STAG1: variants seen among roughly 807,000 people sequenced by gnomAD.
The protein encoded by STAG1 is cohesin subunit SA-1.
A neutral mutation model predicts 170.9 loss-of-function variants in STAG1; 26 were observed. The observed-to-expected ratio is 0.15, with a 90% CI of 0.11 to 0.21. The LOEUF is 0.21. Ranked by LOEUF, STAG1 falls within the 10% of genes least tolerant of loss-of-function variation. STAG1 has a pLI of 1.00. For missense variants in STAG1, 964 were observed against 1,509.5 expected (o/e 0.64, Z 5.99); for synonymous variants, 514 against 497.7 (o/e 1.03, Z -0.44).
intron 1 of STAG1, among the ~76,000 whole-genome samples, chr3:136,655,761 TAA>T (rs796281356): frequency 7.0e-6 from 1 of 143,124 alleles, no homozygotes; most frequent in Non-Finnish European, 1.5e-5. Context: ...AAGACTCCAT[TAA>T]AAAAAAAAAA....
rs1001929518 is a variant in STAG1, at chr3:136,366,878, T to A, written c.2685+65A>T. 4 of 1,374,404 alleles carry A rather than the reference T, an allele frequency of 2.9e-6. No homozygotes were observed. The African/African-American group carries it at 4.3e-5, about 15-fold the overall frequency. 85.1% of individuals were successfully genotyped at this position (1,374,404 alleles called of 1,614,324 possible). A position where few individuals can be genotyped will look rare whatever the true frequency, so the allele number is the denominator to read the frequency against. On this transcript the variant is annotated intron_variant, in intron 25 of 33. Coordinates refer to ENST00000383202, the MANE Select transcript of STAG1 (RefSeq NM_005862.3). ...CTGTCAATTTTAGCTTCTGTCATCA[T>A]CCTTTCAATTGCTAATTTCTCTGCC...
At chr3:136,474,539 T>C (rs1290531832) in intron 10 of STAG1, among the ~76,000 whole-genome samples, 1 of 152,182 alleles carries the variant, frequency 6.6e-6, no homozygotes, top group Non-Finnish European at 1.5e-5. Context: ...CAGATTTATT[T>C]AATGTAAATA....
chr3:136,447,145 A>G (rs1034122353), intron 14 of STAG1, among the ~76,000 whole-genome samples: 1 of 151,670 alleles, frequency 6.6e-6, no homozygotes, highest in Non-Finnish European at 1.5e-5. Context: ...GAAGCTGTCA[A>G]TTTTCCTGTC....
In STAG1 at chr3:136,341,436, C is replaced by T; in HGVS notation, c.3557+5G>A. 1.3e-6 allele frequency: 2 copies of T among 1,583,572 alleles called. No individual in the cohort carries two copies. The highest frequency in any genetic ancestry group is 1.7e-6 in the Non-Finnish European group (2 of 1,153,004). On this transcript the variant is annotated splice_donor_5th_base_variant and intron_variant, in intron 31 of 33. Coordinates refer to ENST00000383202, the MANE Select transcript of STAG1 (RefSeq NM_005862.3). ...TGTTCTTGTGATACTCCATGTAACA[C>T]TTACACAGCATGCCTCACTCCAGTT... is the stretch of plus-strand genomic sequence containing the variant.
chr3:136,726,227 A>G (rs1011025695), intron 1 of STAG1, among the ~76,000 whole-genome samples: 4 of 152,192 alleles, frequency 2.6e-5, no homozygotes, highest in Non-Finnish European at 5.9e-5. Flanking sequence ...ATCTCTATCC[A>G]CTGATGCCAG....
intron 5 of STAG1, among the ~76,000 whole-genome samples, chr3:136,566,136 G>A (rs1214260499): frequency 6.6e-6 from 1 of 152,176 alleles, no homozygotes; most frequent in African/African-American, 2.4e-5. Flanking sequence ...GAATGTTTGT[G>A]TCCTCCCAAA....
chr3:136,665,473 A>G lies in STAG1; in HGVS notation c.-83-34492T>C, dbSNP rs1357023767. Among the ~76,000 whole-genome samples, 7 of 152,280 alleles carry G rather than the reference A, an allele frequency of 4.6e-5. No individual in the cohort carries two copies. The South Asian group carries it at 1.5e-3, about 32-fold the overall frequency. On this transcript the variant is annotated intron_variant, in intron 1 of 33. Transcript: ENST00000383202. ...TTATCCAGGTAGGTATGATATAATCAAACAGGCCTTTAGAAGTGAAAGAAG... is the reference window on the plus strand; with the variant it reads ...TTATCCAGGTAGGTATGATATAATCGAACAGGCCTTTAGAAGTGAAAGAAG...
At chr3:136,633,041 A>G (rs1940393877) in intron 1 of STAG1, among the ~76,000 whole-genome samples, 1 of 152,192 alleles carries the variant, frequency 6.6e-6, no homozygotes, top group African/African-American at 2.4e-5. Context: ...CTAAATAAAC[A>G]GATGACTATA....
At chr3:136,584,921 G>A (rs1244903849) in intron 4 of STAG1, among the ~76,000 whole-genome samples, 1 of 152,148 alleles carries the variant, frequency 6.6e-6, no homozygotes, top group African/African-American at 2.4e-5. Context: ...AGTAACTCAG[G>A]ACACTCAATG....
At chr3:136,688,085 G>C (rs1007090338) in intron 1 of STAG1, among the ~76,000 whole-genome samples, 1 of 152,130 alleles carries the variant, frequency 6.6e-6, no homozygotes, top group Admixed American at 6.5e-5. Context: ...TGGGATGACA[G>C]TATACTACAG....
At chr3:136,519,705 A>T (rs1934575236) in intron 7 of STAG1, among the ~76,000 whole-genome samples, 1 of 152,078 alleles carries the variant, frequency 6.6e-6, no homozygotes, top group Non-Finnish European at 1.5e-5. Context: ...TAGAAAAAAA[A>T]AGTCTAACAT....
chr3:136,750,994 GTCAT>G (rs1559989961), intron 1 of STAG1, among the ~76,000 whole-genome samples: 1 of 152,212 alleles, frequency 6.6e-6, no homozygotes, highest in Admixed American at 6.5e-5. Flanking sequence ...AAAATGTAGA[GTCAT>G]TCAAATTCCA....
At chr3:136,711,026 T>C (rs539302409) in intron 1 of STAG1, among the ~76,000 whole-genome samples, 57 of 151,660 alleles carry the variant, frequency 3.8e-4, no homozygotes, top group Non-Finnish European at 6.2e-4. Flanking sequence ...GGTTAAAGTA[T>C]GACAATTTCT....
intron 1 of STAG1, among the ~76,000 whole-genome samples, chr3:136,723,958 C>T (rs1434004926): frequency 1.2e-4 from 18 of 150,620 alleles, no homozygotes; most frequent in Admixed American, 7.2e-4. Flanking sequence ...CCAGGCCAGC[C>T]GCCCCGACCA....
At position 136,716,600 on chromosome 3, in the gene STAG1, G is replaced by GGC. The variant is rs1943547805; in HGVS notation, c.-84+35593_-84+35594dup. Among the ~76,000 whole-genome samples, 4 of 152,364 alleles carry GGC rather than the reference G, an allele frequency of 2.6e-5. No individual in the cohort carries two copies. The South Asian group carries it at 8.3e-4, about 32-fold the overall frequency. On this transcript the variant is annotated intron_variant, in intron 1 of 33. Transcript: ENST00000383202. ...GGCTGAAGGTGCAGTGAGCCATGAT[G>GGC]GCACCAATGCACTTCAGCCGGGACA...
chr3:136,345,452 G>GT (rs1936179539), intron 29 of STAG1, among the ~76,000 whole-genome samples: 1 of 125,726 alleles, frequency 8.0e-6, no homozygotes, highest in Non-Finnish European at 1.6e-5. Context: ...ATATTACCTA[G>GT]TTGTTTTTTT....
At chr3:136,560,255 A>C (rs1936787938) in intron 5 of STAG1, among the ~76,000 whole-genome samples, 1 of 152,196 alleles carries the variant, frequency 6.6e-6, no homozygotes, top group Non-Finnish European at 1.5e-5. Context: ...TTAACCACCA[A>C]CTTTCAAGTT....
At chr3:136,555,372 T>G (rs914927727) in intron 5 of STAG1, among the ~76,000 whole-genome samples, 1 of 151,184 alleles carries the variant, frequency 6.6e-6, no homozygotes, top group East Asian at 1.9e-4. Flanking sequence ...ACCTCAATAG[T>G]GCTAAATGAG....
chr3:136,634,584 A>G (rs1940474635), intron 1 of STAG1, among the ~76,000 whole-genome samples: 1 of 151,786 alleles, frequency 6.6e-6, no homozygotes, highest in African/African-American at 2.4e-5. Context: ...CTCAGAGGAA[A>G]ATACAGTTGT....
Sources: gnomAD v4.1 joint callset for allele counts (sites outside exome capture counted in the v4.1 genomes callset) on GRCh38, gnomAD v4.1.1 for gene constraint, MANE v1.5 for transcripts, NCBI Gene and HGNC (gene_info 2026-07-23, HGNC 2026-07-21) for gene names.